Variants in SMAD3 observed in about 807,000 individuals in gnomAD.
SMAD3 encodes SMAD family member 3.
In SMAD3, 12 loss-of-function variants were observed where a neutral mutation model predicts 51.8. That is an observed-to-expected ratio of 0.23 (90% confidence interval 0.15 to 0.38). SMAD3 has a LOEUF of 0.38. SMAD3 is among the 10% of genes least tolerant of loss of function. The probability of loss-of-function intolerance (pLI) is 1.00; values close to 1 mark genes in which losing one functional copy is unlikely to be tolerated. For missense variants in SMAD3, 294 were observed against 565.6 expected (o/e 0.52, Z 4.87); for synonymous variants, 238 against 227.7 (o/e 1.05, Z -0.41).
At chr15:67,133,152 G>A (rs1020130821) in intron 1 of SMAD3, among the ~76,000 whole-genome samples, 2 of 152,184 alleles carry the variant, frequency 1.3e-5, no homozygotes, top group Non-Finnish European at 2.9e-5. Flanking sequence ...CTGATGTGGG[G>A]TCTGTGCCTC....
intron 1 of SMAD3, among the ~76,000 whole-genome samples, chr15:67,115,158 A>C (rs1961106709): frequency 6.6e-6 from 1 of 152,166 alleles, no homozygotes; most frequent in African/African-American, 2.4e-5. Flanking sequence ...ATCAAGTTGC[A>C]CTGACAATCT....
At chr15:67,156,561 A>G (rs8032739) in intron 1 of SMAD3, among the ~76,000 whole-genome samples, 54,552 of 152,102 alleles carry the variant, frequency 0.36, 10,440 homozygotes, top group African/African-American at 0.49. Context: ...CTGTTTCTCA[A>G]TCCATGTATG....
At chr15:67,126,870 T>C (rs1170459126) in intron 1 of SMAD3, among the ~76,000 whole-genome samples, 1 of 152,164 alleles carries the variant, frequency 6.6e-6, no homozygotes, top group Non-Finnish European at 1.5e-5. Flanking sequence ...TGGGGGGCAG[T>C]GTGTCTCCCT....
chr15:67,109,770 C>T (rs1025181501), intron 1 of SMAD3, among the ~76,000 whole-genome samples: 44 of 152,328 alleles, frequency 2.9e-4, no homozygotes, highest in Non-Finnish European at 4.7e-4. Context: ...TTGCGACACC[C>T]GCGTGCCCCT....
intron 8 of SMAD3, among the ~76,000 whole-genome samples, chr15:67,188,483 G>C (rs1460070364): frequency 6.6e-6 from 1 of 152,056 alleles, no homozygotes; most frequent in Non-Finnish European, 1.5e-5. Flanking sequence ...AGGTCTACCT[G>C]GTCTGCTTGG....
chr15:67,102,153 G>A (rs1595899861), intron 1 of SMAD3, among the ~76,000 whole-genome samples: 1 of 152,214 alleles, frequency 6.6e-6, no homozygotes, highest in African/African-American at 2.4e-5. Context: ...TGGAAGGCGA[G>A]CTTGTTCAGA....
At chr15:67,118,148 G>A (rs1356692589) in intron 1 of SMAD3, among the ~76,000 whole-genome samples, 1 of 152,208 alleles carries the variant, frequency 6.6e-6, no homozygotes, top group East Asian at 1.9e-4. Context: ...TGTGTTGGGT[G>A]CTGCCTGGCA....
chr15:67,077,240 CGTATGTATGTAT>C (rs1181528571), intron 1 of SMAD3, among the ~76,000 whole-genome samples: 142 of 151,642 alleles, frequency 9.4e-4, no homozygotes, highest in African/African-American at 3.3e-3. Context: ...TATGTATGTA[CGTATGTATGTAT>C]GTATGTATTT....
intron 4 of SMAD3, among the ~76,000 whole-genome samples, chr15:67,167,408 C>T (rs1307684437): frequency 6.6e-6 from 1 of 152,126 alleles, no homozygotes; most frequent in African/African-American, 2.4e-5. Flanking sequence ...ACACAGGGGT[C>T]CCAGTGTGGT....
intron 5 of SMAD3, among the ~76,000 whole-genome samples, chr15:67,172,642 G>A (rs547959658): frequency 1.3e-5 from 2 of 152,334 alleles, no homozygotes; most frequent in East Asian, 1.9e-4. Context: ...AGGCAGAAGC[G>A]TTGTGATTTT....
chr15:67,067,714 T>TA (rs1307600624), intron 1 of SMAD3, among the ~76,000 whole-genome samples: 3 of 152,152 alleles, frequency 2.0e-5, no homozygotes, highest in Non-Finnish European at 4.4e-5. Flanking sequence ...AAATTTTTTT[T>TA]AACTGGGTGG....
At chr15:67,151,109 T>G (rs1595931779) in intron 1 of SMAD3, among the ~76,000 whole-genome samples, 1 of 151,824 alleles carries the variant, frequency 6.6e-6, no homozygotes, top group South Asian at 2.1e-4. Flanking sequence ...TCTGCCCACC[T>G]TGGCTACCCA....
intron 1 of SMAD3, among the ~76,000 whole-genome samples, chr15:67,108,647 G>A (rs938185182): frequency 2.6e-5 from 4 of 152,178 alleles, no homozygotes; most frequent in African/African-American, 9.7e-5. Context: ...CAAGGACAGG[G>A]GCTCCATGGG....
chr15:67,168,267 C>A (rs2140298479), intron 4 of SMAD3, among the ~76,000 whole-genome samples: 1 of 152,314 alleles, frequency 6.6e-6, no homozygotes, highest in South Asian at 2.1e-4. Flanking sequence ...TCCTGAGAGA[C>A]CGAAAGAGAC....
chr15:67,112,218 C>T (rs1426684149), intron 1 of SMAD3, among the ~76,000 whole-genome samples: 4 of 127,274 alleles, frequency 3.1e-5, no homozygotes, highest in African/African-American at 1.2e-4. Flanking sequence ...GGCGCCATCT[C>T]AGCTCACTGC....
intron 1 of SMAD3, among the ~76,000 whole-genome samples, chr15:67,072,465 A>G (rs1245526010): frequency 2.0e-5 from 3 of 152,242 alleles, no homozygotes; most frequent in Admixed American, 1.3e-4. Flanking sequence ...TTTCTTAATC[A>G]GCAAGTCTCA....
chr15:67,189,837 A>G (rs1963313935), intron 8 of SMAD3, among the ~76,000 whole-genome samples: 2 of 152,000 alleles, frequency 1.3e-5, no homozygotes, highest in Non-Finnish European at 2.9e-5. Flanking sequence ...TAATTGTTCC[A>G]TGGCTCGTTC....
intron 1 of SMAD3, among the ~76,000 whole-genome samples, chr15:67,069,996 G>A (rs1297171446): frequency 1.3e-5 from 2 of 152,058 alleles, no homozygotes; most frequent in African/African-American, 4.8e-5. Flanking sequence ...GAGCCACCGC[G>A]CCTCACCGAA....
At chr15:67,189,968 C>T (rs1220042273) in intron 8 of SMAD3, among the ~76,000 whole-genome samples, 1 of 151,988 alleles carries the variant, frequency 6.6e-6, no homozygotes, top group African/African-American at 2.4e-5. Context: ...GACAGACACA[C>T]GTCATCGTCG....
Sources: gnomAD v4.1 joint callset for allele counts (sites outside exome capture counted in the v4.1 genomes callset) on GRCh38, gnomAD v4.1.1 for gene constraint, MANE v1.5 for transcripts, NCBI Gene and HGNC (gene_info 2026-07-23, HGNC 2026-07-21) for gene names.